Variants in SOX5 observed in about 807,000 individuals in gnomAD.
SOX5 encodes SRY-box transcription factor 5, also known as transcription factor SOX-5.
SOX5 carries 9 observed loss-of-function variants against 92.0 expected under a neutral mutation model. That is an observed-to-expected ratio of 0.10 (90% CI 0.06 to 0.17). SOX5 has a LOEUF of 0.17. Among genes scored for constraint, SOX5 ranks in the 10% least tolerant of loss-of-function variants. The probability of loss-of-function intolerance (pLI) is 1.00; values close to 1 mark genes in which losing one functional copy is unlikely to be tolerated. For synonymous variants in SOX5, 344 were observed against 336.3 expected (o/e 1.02, Z -0.25); for missense variants, 642 against 944.5 (o/e 0.68, Z 4.20).
At chr12:24,336,905 GGGC>G (rs1238318882) in intron 2 of SOX5, among the ~76,000 whole-genome samples, 1 of 152,144 alleles carries the variant, frequency 6.6e-6, no homozygotes, top group Non-Finnish European at 1.5e-5. Flanking sequence ...GCAAGTCTTT[GGGC>G]ATTTTCTGAG....
intron 1 of SOX5, among the ~76,000 whole-genome samples, chr12:24,391,755 C>G (rs779404626): frequency 6.6e-6 from 1 of 152,136 alleles, no homozygotes; most frequent in Non-Finnish European, 1.5e-5. Flanking sequence ...TGCTTTCTTT[C>G]TAAGTGGTCA....
intron 1 of SOX5, among the ~76,000 whole-genome samples, chr12:24,378,928 C>T (rs750586257): frequency 7.9e-5 from 12 of 152,214 alleles, no homozygotes; most frequent in South Asian, 2.1e-4. Context: ...CTACCTTTGA[C>T]GCATTTCTCC....
At chr12:23,913,611 C>CTATAA (rs1180805038) in intron 1 of SOX5, among the ~76,000 whole-genome samples, 13 of 151,886 alleles carry the variant, frequency 8.6e-5, no homozygotes, top group Non-Finnish European at 1.9e-4. Flanking sequence ...TGGCATCCAC[C>CTATAA]TATAATTCCA....
intron 3 of SOX5, among the ~76,000 whole-genome samples, chr12:24,245,579 A>T (rs1938527674): frequency 6.6e-6 from 1 of 152,148 alleles, no homozygotes. Flanking sequence ...TTGGTGGATT[A>T]AAATCTGATT....
At chr12:23,721,611 A>G (rs1188749496) in intron 6 of SOX5, among the ~76,000 whole-genome samples, 1 of 152,164 alleles carries the variant, frequency 6.6e-6, no homozygotes, top group Non-Finnish European at 1.5e-5. Context: ...CCTGAGTTCC[A>G]CACTGTCCTA....
chr12:24,449,820 T>G (rs1942002437), intron 1 of SOX5, among the ~76,000 whole-genome samples: 1 of 152,158 alleles, frequency 6.6e-6, no homozygotes, highest in South Asian at 2.1e-4. Context: ...ACCAGTCTTT[T>G]CCCACATTGC....
chr12:24,525,117 T>A (rs371992857), intron 1 of SOX5, among the ~76,000 whole-genome samples: 3 of 152,202 alleles, frequency 2.0e-5, no homozygotes, highest in Non-Finnish European at 4.4e-5. Flanking sequence ...GTGGTACTAT[T>A]CACAATAGCC....
intron 7 of SOX5, among the ~76,000 whole-genome samples, chr12:23,645,523 G>C (rs2080721785): frequency 6.6e-6 from 1 of 152,134 alleles, no homozygotes; most frequent in Admixed American, 6.5e-5. Flanking sequence ...CTCCATCCTA[G>C]AGACAAAGAC....
intron 4 of SOX5, among the ~76,000 whole-genome samples, chr12:24,106,298 A>G (rs1946659610): frequency 6.6e-6 from 1 of 152,212 alleles, no homozygotes; most frequent in African/African-American, 2.4e-5. Context: ...ATTACAAACA[A>G]GAAGAATCTT....
At chr12:23,634,245 G>A (rs555240747) in intron 8 of SOX5, among the ~76,000 whole-genome samples, 6 of 151,912 alleles carry the variant, frequency 3.9e-5, no homozygotes, top group African/African-American at 1.4e-4. Context: ...CTTGTGGGGC[G>A]GTACATTTGG....
intron 4 of SOX5, among the ~76,000 whole-genome samples, chr12:24,212,061 A>G (rs978514674): frequency 6.6e-6 from 1 of 152,256 alleles, no homozygotes; most frequent in African/African-American, 2.4e-5. Context: ...ACTCTGCAAG[A>G]ATCAGTGCAG....
At chr12:24,558,293 G>C (rs2139050592) in intron 1 of SOX5, among the ~76,000 whole-genome samples, 1 of 152,318 alleles carries the variant, frequency 6.6e-6, no homozygotes, top group Non-Finnish European at 1.5e-5. Flanking sequence ...CTGAAGGTCA[G>C]GGTCCTCGCT....
intron 3 of SOX5, among the ~76,000 whole-genome samples, chr12:24,258,755 GCAA>G: frequency 6.6e-6 from 1 of 152,080 alleles, no homozygotes; most frequent in Admixed American, 6.5e-5. Flanking sequence ...GTGCTTTTTA[GCAA>G]TAATAACATA....
At chr12:24,295,172 G>A (rs1302230941) in intron 2 of SOX5, among the ~76,000 whole-genome samples, 1 of 152,026 alleles carries the variant, frequency 6.6e-6, no homozygotes, top group Non-Finnish European at 1.5e-5. Flanking sequence ...AAGTATATAT[G>A]AGTAAACATA....
chr12:24,294,347 C>T (rs1398698844), intron 2 of SOX5, among the ~76,000 whole-genome samples: 2 of 152,008 alleles, frequency 1.3e-5, no homozygotes, highest in African/African-American at 2.4e-5. Context: ...AGAGCTATTC[C>T]TTTATTTCTC....
chr12:24,116,956 C>T, intron 4 of SOX5, among the ~76,000 whole-genome samples: 1 of 143,642 alleles, frequency 7.0e-6, no homozygotes, highest in South Asian at 2.3e-4. Context: ...AAAACTTTAT[C>T]CAATTATCTA....
At chr12:24,428,897 T>C (rs905615238) in intron 1 of SOX5, among the ~76,000 whole-genome samples, 2 of 152,132 alleles carry the variant, frequency 1.3e-5, no homozygotes, top group Admixed American at 6.6e-5. Context: ...TGAGTTCAAA[T>C]ACCATTTATA....
At chr12:23,846,689 C>T (rs1039681303) in intron 2 of SOX5, among the ~76,000 whole-genome samples, 2 of 152,180 alleles carry the variant, frequency 1.3e-5, no homozygotes, top group Non-Finnish European at 2.9e-5. Context: ...GTAGCTGCCT[C>T]TTCTTGATAA....
chr12:24,005,061 C>T (rs1257951463), intron 4 of SOX5, among the ~76,000 whole-genome samples: 1 of 151,838 alleles, frequency 6.6e-6, no homozygotes, highest in South Asian at 2.1e-4. Flanking sequence ...TCCAAAAAGG[C>T]AAATCCAGAA....
Sources: gnomAD v4.1 joint callset for allele counts (sites outside exome capture counted in the v4.1 genomes callset) on GRCh38, gnomAD v4.1.1 for gene constraint, MANE v1.5 for transcripts, NCBI Gene and HGNC (gene_info 2026-07-23, HGNC 2026-07-21) for gene names.